Variants in STK32B observed in about 807,000 individuals in gnomAD.
STK32B encodes the protein serine/threonine kinase 32B.
Under a neutral mutation model 52.6 loss-of-function variants are expected in STK32B, and 43 were observed. The observed-to-expected ratio is 0.82, with a 90% CI of 0.64 to 1.05. The LOEUF is 1.05. Ranked by LOEUF, STK32B falls within the 50% of genes least tolerant of loss-of-function variation. The probability of loss-of-function intolerance (pLI) is 0.00; values close to 1 mark genes in which losing one functional copy is unlikely to be tolerated. For synonymous variants in STK32B, 238 were observed against 204.3 expected, an observed-to-expected ratio of 1.17 and a Z score of -1.41; for missense variants, 621 against 534.6, an observed-to-expected ratio of 1.16 and a Z score of -1.59.
intron 4 of STK32B, among the ~76,000 whole-genome samples, chr4:5,335,608 G>A (rs1251883249): frequency 1.3e-5 from 2 of 151,686 alleles, no homozygotes; most frequent in African/African-American, 4.8e-5. Context: ...TTTCTCTTGT[G>A]GGCATTTAGT....
intron 7 of STK32B, among the ~76,000 whole-genome samples, chr4:5,454,603 G>C (rs1355852574): frequency 6.6e-6 from 1 of 152,054 alleles, no homozygotes; most frequent in African/African-American, 2.4e-5. Flanking sequence ...ATGAATTTGG[G>C]GGACACAATT....
At chr4:5,446,835 A>C (rs1577516458) in intron 7 of STK32B, 59 bp downstream of exon 7, 2 of 1,566,482 alleles carry the variant, frequency 1.3e-6, no homozygotes, top group East Asian at 4.5e-5. Context: ...CTCACGTTGT[A>C]CCTGGACGGG....
chr4:5,075,091 G>C (rs1368436754), intron 1 of STK32B, among the ~76,000 whole-genome samples: 1 of 152,094 alleles, frequency 6.6e-6, no homozygotes, highest in African/African-American at 2.4e-5. Flanking sequence ...AGGGGAGCTT[G>C]TATGCACATT....
In STK32B at chr4:5,481,647, G is replaced by A. The variant is rs7700113; in HGVS notation, c.1106+13577G>A. Among the ~76,000 whole-genome samples the A allele has an allele frequency of 3.9e-3, 594 of 152,256 alleles. 1 individual carries two copies. Among genetic ancestry groups the A allele is most frequent in the African/African-American group, 0.014 (562 of 41,552 alleles). On this transcript the variant is annotated intron_variant, in intron 11 of 11. Transcript: ENST00000282908. ...CCATTGCTTTTGGTGTTTTAGACATGAAGTCCTTGCCCATGCCTATGTCCT... is the reference window on the plus strand; with the variant it reads ...CCATTGCTTTTGGTGTTTTAGACATAAAGTCCTTGCCCATGCCTATGTCCT...
intron 4 of STK32B, among the ~76,000 whole-genome samples, chr4:5,390,784 C>G (rs1438960612): frequency 6.6e-6 from 1 of 152,002 alleles, no homozygotes; most frequent in Non-Finnish European, 1.5e-5. Context: ...AGTCCAATAT[C>G]AAGATGTTGG....
At chr4:5,264,515 G>A (rs375957790) in intron 3 of STK32B, among the ~76,000 whole-genome samples, 57 of 152,076 alleles carry the variant, frequency 3.7e-4, no homozygotes, top group African/African-American at 1.2e-3. Context: ...GACTGGGCGC[G>A]GTGGCTCACG....
rs138341967 is a variant in STK32B at position 5,327,172 on chromosome 4, A to C, written c.261-4048A>C. ...TGATTCTAGTACTTTTGCTACTTTTACCACGTCTGCAGTTCCTTCCTCCAC... is the reference window on the plus strand; with the variant it reads ...TGATTCTAGTACTTTTGCTACTTTTCCCACGTCTGCAGTTCCTTCCTCCAC... On this transcript the variant is annotated intron_variant, in intron 3 of 11. Coordinates refer to ENST00000282908, the MANE Select transcript of STK32B (RefSeq NM_018401.3). 5.3e-5 allele frequency among the ~76,000 whole-genome samples: 8 copies of C among 151,760 alleles called. No individual in the cohort carries two copies. The East Asian group carries it at 1.6e-3, about 29-fold the overall frequency.
the STK32B span, among the ~76,000 whole-genome samples, chr4:5,020,145 GGGA>G: frequency 6.6e-6 from 1 of 152,218 alleles, no homozygotes; most frequent in African/African-American, 2.4e-5. Flanking sequence ...CAGGCCCCGA[GGGA>G]GAGCAGACCC....
intron 4 of STK32B, 36 bp downstream of exon 4, chr4:5,331,429 G>A (rs749590357): frequency 4.4e-6 from 7 of 1,581,780 alleles, no homozygotes; most frequent in South Asian, 1.2e-5. Context: ...TGGGACAGAG[G>A]GACCATGGGC....
At chr4:5,308,503 A>G (rs925410263) in intron 3 of STK32B, among the ~76,000 whole-genome samples, 2 of 152,158 alleles carry the variant, frequency 1.3e-5, no homozygotes, top group Non-Finnish European at 2.9e-5. Context: ...TAGAGTTATT[A>G]TAAATATTAT....
At chr4:5,031,388 A>G in the STK32B span, among the ~76,000 whole-genome samples, 1 of 152,010 alleles carries the variant, frequency 6.6e-6, no homozygotes, top group Non-Finnish European at 1.5e-5. Flanking sequence ...CTTTATTTAG[A>G]GGGTTTGAGG....
intron 1 of STK32B, among the ~76,000 whole-genome samples, chr4:5,123,188 C>T (rs1715165613): frequency 6.6e-6 from 1 of 152,128 alleles, no homozygotes; most frequent in Admixed American, 6.5e-5. Flanking sequence ...GCTGTAGAGA[C>T]AGAAGGTGTT....
intron 6 of STK32B, among the ~76,000 whole-genome samples, chr4:5,435,272 C>A (rs1713954766): frequency 2.0e-5 from 3 of 152,214 alleles, no homozygotes; most frequent in Admixed American, 2.0e-4. Context: ...GCAGGTGTAA[C>A]TGGTCTTTGG....
chr4:5,432,104 C>T (rs142382718), intron 6 of STK32B, among the ~76,000 whole-genome samples: 6 of 152,258 alleles, frequency 3.9e-5, no homozygotes, highest in South Asian at 2.1e-4. Flanking sequence ...GAAGTAAATG[C>T]GTCAATAAGT....
intron 4 of STK32B, among the ~76,000 whole-genome samples, chr4:5,373,992 A>G (rs1735418379): frequency 6.6e-6 from 1 of 152,260 alleles, no homozygotes; most frequent in South Asian, 2.1e-4. Flanking sequence ...AATAAGGATG[A>G]GGTCATACTG....
chr4:5,118,594 A>G (rs1714864357), intron 1 of STK32B, among the ~76,000 whole-genome samples: 1 of 152,142 alleles, frequency 6.6e-6, no homozygotes, highest in Admixed American at 6.5e-5. Context: ...ACCTGTGCTG[A>G]GCCACCTCCT....
At chr4:5,225,387 A>G (rs1723796365) in intron 3 of STK32B, among the ~76,000 whole-genome samples, 1 of 152,210 alleles carries the variant, frequency 6.6e-6, no homozygotes, top group African/African-American at 2.4e-5. Flanking sequence ...AGCCTGGGTG[A>G]CAGAGTAAGA....
Position 5,260,632 on chromosome 4 carries a change from G to A in STK32B, c.261-70588G>A, listed in dbSNP as rs28678702. Among the ~76,000 whole-genome samples the A allele has an allele frequency of 9.2e-3, 1,398 of 152,304 alleles. 22 individuals are homozygous for A. The highest frequency in any genetic ancestry group is 0.071 in the East Asian group (365 of 5,176). On this transcript the variant is annotated intron_variant, in intron 3 of 11. Transcript: ENST00000282908. ...GAGAAACATAAGTAAAGGCAGGGAC[G>A]TGAGAAGTGAATGGCCTATTAGGGA...
chr4:5,360,382 C>T (rs76036861), intron 4 of STK32B, among the ~76,000 whole-genome samples: 55 of 152,198 alleles, frequency 3.6e-4, no homozygotes, highest in Middle Eastern at 6.8e-3. Context: ...ACAATAACAA[C>T]GAAGACAGTG....
Sources: allele counts gnomAD v4.1 joint callset (sites outside exome capture counted in the v4.1 genomes callset), GRCh38; gene constraint gnomAD v4.1.1; transcripts MANE v1.5; gene names NCBI Gene and HGNC (gene_info 2026-07-23, HGNC 2026-07-21).